Variants in EXOSC7 observed in about 807,000 individuals in gnomAD.
The protein encoded by EXOSC7 is exosome component 7.
A neutral mutation model predicts 34.3 loss-of-function variants in EXOSC7; 25 were observed. The observed-to-expected ratio is 0.73, with a 90% CI of 0.53 to 1.02. EXOSC7 has a LOEUF of 1.02. Among genes scored for constraint, EXOSC7 ranks in the 50% least tolerant of loss-of-function variants. The pLI, the probability that EXOSC7 is intolerant of heterozygous loss-of-function variation, is 0.00. For synonymous variants in EXOSC7, 130 were observed against 143.0 expected (o/e 0.91, Z 0.65); for missense variants, 370 against 368.5 (o/e 1.00, Z -0.03).
chr3:44,994,856 G>GGTGTGTGTGTGT lies in EXOSC7; in HGVS notation c.255-2192_255-2181dup, dbSNP rs34579096. Among the ~76,000 whole-genome samples the GGTGTGTGTGTGT allele has an allele frequency of 4.4e-4, 60 of 134,946 alleles. 1 individual carries two copies. Among genetic ancestry groups the GGTGTGTGTGTGT allele is most frequent in the Admixed American group, 1.5e-3 (20 of 13,538 alleles). 88.5% of individuals were successfully genotyped at this position (134,946 alleles called of 152,430 possible). On this transcript the variant is annotated intron_variant, in intron 3 of 7. Coordinates refer to ENST00000265564, the MANE Select transcript of EXOSC7 (RefSeq NM_015004.4). Reference sequence around the variant, plus strand: ...GACTGCTGGCTATGGTGGAAGAATGGGTGTGTGTGTGTGTGTGTGTGTGTG... The same window carrying GGTGTGTGTGTGT: ...GACTGCTGGCTATGGTGGAAGAATGGGTGTGTGTGTGTGTGTGTGTGTGTGTGTGTGTGTGTG...
At chr3:44,988,299 ATAAC>A (rs376062100) in intron 1 of EXOSC7, among the ~76,000 whole-genome samples, 23 of 152,258 alleles carry the variant, frequency 1.5e-4, no homozygotes, top group African/African-American at 5.3e-4. Flanking sequence ...GAGCAGCAAA[ATAAC>A]TAATGATAGT....
intron 4 of EXOSC7, among the ~76,000 whole-genome samples, chr3:44,997,846 G>T (rs1261161060): frequency 6.6e-6 from 1 of 152,124 alleles, no homozygotes; most frequent in Non-Finnish European, 1.5e-5. Flanking sequence ...GAACGTGCCT[G>T]CCTTTAGTTT....
rs1313680353 is a variant in EXOSC7, at chr3:44,999,824, T to C, written c.421-1714T>C. On this transcript the variant is annotated intron_variant, in intron 4 of 7. Transcript: ENST00000265564. ...TTTCATCAGTGGATGGGTGATATAC[T>C]GAATAGATTGAGTCCATGTTTGAAG... Among the ~76,000 whole-genome samples, 4 of 152,264 alleles carry C rather than the reference T, an allele frequency of 2.6e-5. 1 individual carries two copies. Among genetic ancestry groups the C allele is most frequent in the Non-Finnish European group, 5.9e-5 (4 of 68,048 alleles).
intron 6 of EXOSC7, 51 bp from the exon 7 acceptor site, chr3:45,007,369 G>A (rs1436993702): frequency 1.2e-6 from 2 of 1,605,216 alleles, no homozygotes; most frequent in Non-Finnish European, 1.7e-6. Flanking sequence ...TCAGGGGTGG[G>A]ACTCTGGGGC....
At chr3:44,991,547 C>T (rs1487213499) in intron 3 of EXOSC7, among the ~76,000 whole-genome samples, 1 of 152,180 alleles carries the variant, frequency 6.6e-6, no homozygotes, top group African/African-American at 2.4e-5. Context: ...ACATTCAGCC[C>T]AACCACACCA....
chr3:44,997,852 A>G (rs564814593), intron 4 of EXOSC7, among the ~76,000 whole-genome samples: 2 of 152,122 alleles, frequency 1.3e-5, no homozygotes, highest in Admixed American at 1.3e-4. Flanking sequence ...GCCTGCCTTT[A>G]GTTTCCTGGG....
At chr3:45,007,116 C>G (rs562543523) in intron 6 of EXOSC7, among the ~76,000 whole-genome samples, 5 of 152,130 alleles carry the variant, frequency 3.3e-5, no homozygotes, top group Non-Finnish European at 7.4e-5. Context: ...TGAATTTCTC[C>G]CTTGTGCCCC....
At chr3:45,001,433 ACT>A (rs1386156429) in intron 4 of EXOSC7, 103 bp from the exon 5 acceptor site, 14 of 836,746 alleles carry the variant, frequency 1.7e-5, no homozygotes, top group Non-Finnish European at 1.8e-5. Flanking sequence ...ACAGAGCGAG[ACT>A]CTGTCTCAAA....
intron 1 of EXOSC7, 119 bp downstream of exon 1, chr3:44,976,453 T>C: frequency 3.4e-6 from 3 of 892,734 alleles, no homozygotes; most frequent in Non-Finnish European, 5.0e-6. Flanking sequence ...CCGTTTACCT[T>C]GTGATTAAAC....
chr3:44,999,541 T>C (rs1706818468), intron 4 of EXOSC7, among the ~76,000 whole-genome samples: 1 of 152,082 alleles, frequency 6.6e-6, no homozygotes, highest in Non-Finnish European at 1.5e-5. Context: ...ATACAAAAAT[T>C]AGCTGGGCAT....
At chr3:44,988,758 ACTT>A (rs1394280985) in intron 1 of EXOSC7, among the ~76,000 whole-genome samples, 2 of 152,074 alleles carry the variant, frequency 1.3e-5, no homozygotes, top group Non-Finnish European at 2.9e-5. Flanking sequence ...GACAACATAT[ACTT>A]CTTGGTGCAA....
chr3:44,987,170 T>C (rs1276843535), intron 1 of EXOSC7, among the ~76,000 whole-genome samples: 1 of 151,236 alleles, frequency 6.6e-6, no homozygotes, highest in African/African-American at 2.4e-5. Context: ...AAAAAATTCA[T>C]GTATTTGCTT....
intron 4 of EXOSC7, among the ~76,000 whole-genome samples, chr3:45,000,150 G>A (rs1387036529): frequency 6.6e-6 from 1 of 152,178 alleles, no homozygotes; most frequent in Non-Finnish European, 1.5e-5. Flanking sequence ...AATGGCATCA[G>A]TTTTTACTCC....
At chr3:45,001,689 A>T (rs1028773758) in intron 5 of EXOSC7, 81 bp downstream of exon 5, 3 of 968,512 alleles carry the variant, frequency 3.1e-6, no homozygotes, top group Non-Finnish European at 5.0e-6. Flanking sequence ...GGAAATTTCT[A>T]TTGTAGCTCA....
chr3:45,003,576 C>T (rs1706946925), intron 5 of EXOSC7, among the ~76,000 whole-genome samples: 1 of 152,096 alleles, frequency 6.6e-6, no homozygotes, highest in African/African-American at 2.4e-5. Context: ...GTTAGAGGAA[C>T]TGGGAAAAGT....
intron 3 of EXOSC7, among the ~76,000 whole-genome samples, chr3:44,994,038 A>G (rs1706647714): frequency 6.6e-6 from 1 of 152,182 alleles, no homozygotes; most frequent in African/African-American, 2.4e-5. Flanking sequence ...ACAGGGAAGC[A>G]TAGAAGATAA....
intron 2 of EXOSC7, 147 bp downstream of exon 2, chr3:44,989,388 C>G: frequency 1.2e-6 from 1 of 822,576 alleles, no homozygotes; most frequent in Non-Finnish European, 2.0e-6. Flanking sequence ...GGGGGTCTAT[C>G]CAGATCTGAA....
chr3:44,979,222 A>G (rs1706206134), intron 1 of EXOSC7, among the ~76,000 whole-genome samples: 2 of 152,222 alleles, frequency 1.3e-5, no homozygotes, highest in African/African-American at 4.8e-5. Flanking sequence ...ATCTCAACTG[A>G]TTCAGTTCTG....
rs766863963 is a variant in EXOSC7, at chr3:44,976,305, GAGA to G, written c.31_33del (p.Lys11del). ...GGCGTCCGTGACGCTGAGCGAGGCG[GAGA>G]AGGTGTACATCGTGCATGGCGTCCA... is the stretch of plus-strand genomic sequence containing the variant. On this transcript the variant is annotated inframe_deletion, in exon 1 of 8. Transcript: ENST00000265564. 1 of 1,564,766 alleles carries G rather than the reference GAGA, an allele frequency of 6.4e-7. No individual in the cohort carries two copies. The highest frequency in any genetic ancestry group is 8.6e-7 in the Non-Finnish European group (1 of 1,162,304).
Sources: allele counts gnomAD v4.1 joint callset (sites outside exome capture counted in the v4.1 genomes callset), GRCh38; gene constraint gnomAD v4.1.1; transcripts MANE v1.5; gene names NCBI Gene and HGNC (gene_info 2026-07-23, HGNC 2026-07-21).